The following RAPGEF1 variants were observed in gnomAD, a reference collection of about 807,000 sequenced individuals.
RAPGEF1 encodes CRK SH3-binding GNRP.
Under a neutral mutation model 143.3 loss-of-function variants are expected in RAPGEF1, and 33 were observed. The ratio of observed to expected loss-of-function variants is 0.23; its 90% CI spans 0.17 to 0.31. RAPGEF1 has a LOEUF of 0.31. Among genes scored for constraint, RAPGEF1 ranks in the 10% least tolerant of loss-of-function variants. The pLI, the probability that RAPGEF1 is intolerant of heterozygous loss-of-function variation, is 1.00. For missense variants in RAPGEF1, 1,199 were observed against 1,645.4 expected (o/e 0.73, Z 4.69); for synonymous variants, 629 against 676.5 (o/e 0.93, Z 1.09).
At chr9:131,620,470 A>G (rs1324581179) in intron 11 of RAPGEF1, among the ~76,000 whole-genome samples, 3 of 152,188 alleles carry the variant, frequency 2.0e-5, no homozygotes, top group Non-Finnish European at 4.4e-5. Flanking sequence ...TTATGTTTCC[A>G]TGGTGGGACC....
intron 1 of RAPGEF1, among the ~76,000 whole-genome samples, chr9:131,656,246 C>T (rs1264690854): frequency 1.3e-5 from 2 of 152,198 alleles, no homozygotes; most frequent in Non-Finnish European, 2.9e-5. Flanking sequence ...CTTATAAATG[C>T]CCACTCTTCT....
intron 17 of RAPGEF1, 44 bp from the exon 18 acceptor site, chr9:131,592,227 T>C (rs1954413794): frequency 1.3e-6 from 2 of 1,482,770 alleles, no homozygotes; most frequent in Middle Eastern, 1.7e-4. Flanking sequence ...GGGTGCAGAG[T>C]GCTGGGGGGT....
rs568003129 is a variant in RAPGEF1, at chr9:131,638,505, G to A, written c.651+130C>T. ...GAAGTAAGTAGTTATGGGATAGAGC[G>A]CACCAACACCAGAGACGCAGAAAGA... On this transcript the variant is annotated intron_variant, in intron 5 of 26. Coordinates refer to ENST00000683357, the MANE Select transcript of RAPGEF1 (RefSeq NM_001377935.1). The A allele has an allele frequency of 6.5e-4, 666 of 1,029,470 alleles. 1 individual carries two copies. The highest frequency in any genetic ancestry group is 2.0e-3 in the African/African-American group (127 of 62,846). 63.8% of individuals were successfully genotyped at this position (1,029,470 alleles called of 1,614,324 possible). A position where few individuals can be genotyped will look rare whatever the true frequency, so the allele number is the denominator to read the frequency against.
intron 1 of RAPGEF1, among the ~76,000 whole-genome samples, chr9:131,702,895 T>C (rs1834764750): frequency 6.6e-6 from 1 of 151,996 alleles, no homozygotes; most frequent in Non-Finnish European, 1.5e-5. Context: ...AGCATAAAAT[T>C]AAAAGAAAAA....
intron 1 of RAPGEF1, among the ~76,000 whole-genome samples, chr9:131,663,142 A>C (rs1356292501): frequency 1.3e-5 from 2 of 151,440 alleles, no homozygotes; most frequent in Non-Finnish European, 2.9e-5. Flanking sequence ...TGATGTGCTG[A>C]AAGAATACTA....
At position 131,667,639 on chromosome 9, in the gene RAPGEF1, G is replaced by A. The variant is rs1036332279; in HGVS notation, c.62-16690C>T. Among the ~76,000 whole-genome samples the A allele has an allele frequency of 1.3e-5, 2 of 152,204 alleles. No homozygotes were observed. Among genetic ancestry groups the A allele is most frequent in the African/African-American group, 4.8e-5 (2 of 41,456 alleles). On this transcript the variant is annotated intron_variant, in intron 1 of 26. Coordinates refer to ENST00000683357, the MANE Select transcript of RAPGEF1 (RefSeq NM_001377935.1). This position sits in a 1 kb window ranked among gnomAD's most constrained non-coding sequence, Gnocchi z 4.6. Reference sequence around the variant, plus strand: ...GGTAGGGACCACAGTCATTCAAAGGGGAACTGCCACCATGTCCTATGGCTA... The same window carrying A: ...GGTAGGGACCACAGTCATTCAAAGGAGAACTGCCACCATGTCCTATGGCTA...
rs1255193551 is a variant in RAPGEF1, at chr9:131,578,367, AGGAGGCTCCTCTGTGGCCAG to A, written c.*1110_*1129del. 1 of 152,500 alleles carries A rather than the reference AGGAGGCTCCTCTGTGGCCAG, an allele frequency of 6.6e-6. No homozygotes were observed. The highest frequency in any genetic ancestry group is 1.5e-5 in the Non-Finnish European group (1 of 68,264). 9.4% of individuals were successfully genotyped at this position (152,500 alleles called of 1,614,324 possible). A position where few individuals can be genotyped will look rare whatever the true frequency, so the allele number is the denominator to read the frequency against. On this transcript the variant is annotated 3_prime_UTR_variant, in exon 27 of 27. Transcript: ENST00000683357. ...GTGCGCTTGCTGCAGCTGCTGCCTT[AGGAGGCTCCTCTGTGGCCAG>A]GCTTCTGCCTCCCTGCACCCTGAGG... is the stretch of plus-strand genomic sequence containing the variant.
chr9:131,646,526 C>T (rs1220922245), intron 3 of RAPGEF1, among the ~76,000 whole-genome samples: 1 of 152,198 alleles, frequency 6.6e-6, no homozygotes, highest in Non-Finnish European at 1.5e-5. Context: ...CCATGTGCTG[C>T]CACAGGAGAT....
intron 3 of RAPGEF1, among the ~76,000 whole-genome samples, chr9:131,649,280 C>T (rs985755551): frequency 5.1e-5 from 7 of 138,214 alleles, no homozygotes; most frequent in Non-Finnish European, 7.5e-5. Flanking sequence ...GTCTTGAACT[C>T]GTGACCTCAG....
At position 131,584,712 on chromosome 9, in the gene RAPGEF1, C is replaced by T; in HGVS notation, c.3234-116G>A. On this transcript the variant is annotated intron_variant, in intron 22 of 26. Transcript: ENST00000683357. The surrounding 1 kb of genome is among the most constrained non-coding windows in gnomAD (Gnocchi z 6.8). ...CATGCCAGTGGCCACGAGCCCACCCCTACTGAATACCTGCAGCCTGCCCCA... is the reference window on the plus strand; with the variant it reads ...CATGCCAGTGGCCACGAGCCCACCCTTACTGAATACCTGCAGCCTGCCCCA... 1.1e-6 allele frequency: 1 copy of T among 906,740 alleles called. No homozygotes were observed. Among genetic ancestry groups the T allele is most frequent in the Non-Finnish European group, 1.8e-6 (1 of 566,924 alleles). 56.2% of individuals were successfully genotyped at this position (906,740 alleles called of 1,614,324 possible). A position where few individuals can be genotyped will look rare whatever the true frequency, so the allele number is the denominator to read the frequency against.
chr9:131,626,623 T>C (rs539273056), intron 9 of RAPGEF1, among the ~76,000 whole-genome samples: 53 of 152,322 alleles, frequency 3.5e-4, no homozygotes, highest in African/African-American at 1.2e-3. Flanking sequence ...TATGGCTGTT[T>C]GCTATACTTT....
chr9:131,625,834 T>C, intron 10 of RAPGEF1, 88 bp downstream of exon 10: 1 of 1,463,626 alleles, frequency 6.8e-7, no homozygotes. Context: ...AGGCCACTGA[T>C]TTGATTCTGG....
At chr9:131,599,785 T>C (rs1443725820) in intron 15 of RAPGEF1, among the ~76,000 whole-genome samples, 2 of 152,208 alleles carry the variant, frequency 1.3e-5, no homozygotes, top group African/African-American at 2.4e-5. Flanking sequence ...CTTGTGGTCA[T>C]AGGTCACATT....
Position 131,628,405 on chromosome 9 carries a change from G to C in RAPGEF1, c.1017+144C>G. 2 of 1,173,032 alleles carry C rather than the reference G, an allele frequency of 1.7e-6. No individual in the cohort carries two copies. Among genetic ancestry groups the C allele is most frequent in the South Asian group, 3.1e-5 (2 of 63,770 alleles). The allele number at this position is 1,173,032 out of a possible 1,614,324, so 72.7% of individuals were successfully genotyped here. A position where few individuals can be genotyped will look rare whatever the true frequency, so the allele number is the denominator to read the frequency against. On this transcript the variant is annotated intron_variant, in intron 8 of 26. Coordinates refer to ENST00000683357, the MANE Select transcript of RAPGEF1 (RefSeq NM_001377935.1). This position sits in a 1 kb window ranked among gnomAD's most constrained non-coding sequence, Gnocchi z 5.7. ...ACTTGGACCGTGTCCTGGAGAGAGAGGGATGGGTACAAGGTCTCGCACTCC... is the reference window on the plus strand; with the variant it reads ...ACTTGGACCGTGTCCTGGAGAGAGACGGATGGGTACAAGGTCTCGCACTCC...
intron 1 of RAPGEF1, among the ~76,000 whole-genome samples, chr9:131,671,362 C>T (rs536278363): frequency 2.0e-5 from 3 of 152,240 alleles, no homozygotes; most frequent in Non-Finnish European, 2.9e-5. Flanking sequence ...AAGCAGAGAT[C>T]GGTCTTTTCC....
In RAPGEF1 at chr9:131,596,412, A is replaced by G. The variant is rs755414333; in HGVS notation, c.2614-39T>C. 5.3e-5 allele frequency: 84 copies of G among 1,596,918 alleles called. No individual in the cohort carries two copies. In the Admixed American group the frequency reaches 1.4e-3, roughly 26 times the overall value. On this transcript the variant is annotated intron_variant, in intron 16 of 26. Transcript: ENST00000683357. ...AGCCAAGGAAGGTATGAGGCAGAGT[A>G]TGCCCTTCAGAGAATCAGTTTAGGA...
At chr9:131,687,623 G>A (rs116217985) in intron 1 of RAPGEF1, among the ~76,000 whole-genome samples, 1 of 152,302 alleles carries the variant, frequency 6.6e-6, no homozygotes, top group African/African-American at 2.4e-5. Flanking sequence ...AGAAGCAAAG[G>A]AAACGCATGG....
chr9:131,626,518 GTGTGTGACAAAGAC>G, intron 9 of RAPGEF1, 96 bp from the exon 10 acceptor site: 1 of 1,283,644 alleles, frequency 7.8e-7, no homozygotes, highest in Non-Finnish European at 1.1e-6. Flanking sequence ...TCGCTCATGG[GTGTGTGACAAAGAC>G]CTGTCTCCAG....
intron 3 of RAPGEF1, among the ~76,000 whole-genome samples, chr9:131,645,531 C>A (rs1214329024): frequency 1.3e-5 from 2 of 152,228 alleles, no homozygotes; most frequent in Non-Finnish European, 2.9e-5. Flanking sequence ...TGTAGCACAG[C>A]CAGGCTGCCT....
Sources: allele counts gnomAD v4.1 joint callset (sites outside exome capture counted in the v4.1 genomes callset), GRCh38; gene constraint gnomAD v4.1.1; non-coding constraint Gnocchi (gnomAD v3.1); transcripts MANE v1.5; gene names NCBI Gene and HGNC (gene_info 2026-07-23, HGNC 2026-07-21).